Variants in H6PD observed in about 807,000 individuals in gnomAD.
H6PD encodes GDH/6PGL endoplasmic bifunctional protein.
A neutral mutation model predicts 61.2 loss-of-function variants in H6PD; 48 were observed. The observed-to-expected ratio is 0.78, with a 90% CI of 0.62 to 1.00. H6PD has a LOEUF of 1.00. Ranked by LOEUF, H6PD falls within the 50% of genes least tolerant of loss-of-function variation. H6PD has a pLI of 0.00. For missense variants in H6PD, 1,093 were observed against 1,065.0 expected, an observed-to-expected ratio of 1.03 and a Z score of -0.37; for synonymous variants, 480 against 457.9, an observed-to-expected ratio of 1.05 and a Z score of -0.62.
chr1:9,258,811 G>A (rs144508459), intron 3 of H6PD, among the ~76,000 whole-genome samples: 32 of 152,124 alleles, frequency 2.1e-4, no homozygotes, highest in African/African-American at 7.2e-4. Flanking sequence ...TTACATTGCT[G>A]TTGTTACTCT....
intron 4 of H6PD, among the ~76,000 whole-genome samples, chr1:9,263,308 T>C (rs957085424): frequency 2.0e-5 from 3 of 152,054 alleles, no homozygotes; most frequent in Non-Finnish European, 1.5e-5. Flanking sequence ...GCCATAGAGA[T>C]AGCCCCAGAG....
At chr1:9,244,032 T>C (rs1287219351) in intron 1 of H6PD, among the ~76,000 whole-genome samples, 2 of 152,134 alleles carry the variant, frequency 1.3e-5, no homozygotes, top group African/African-American at 2.4e-5. Flanking sequence ...GAGCCTCAGC[T>C]TTTCCATTTG....
chr1:9,253,520 G>T (rs753196071), intron 3 of H6PD, among the ~76,000 whole-genome samples: 5 of 152,184 alleles, frequency 3.3e-5, no homozygotes, highest in Non-Finnish European at 7.3e-5. Context: ...CGTCTCTGAA[G>T]TTGGGTTTAT....
intron 3 of H6PD, among the ~76,000 whole-genome samples, chr1:9,255,708 A>G (rs1216820020): frequency 6.6e-6 from 1 of 151,886 alleles, no homozygotes; most frequent in Non-Finnish European, 1.5e-5. Context: ...CTGGGCCCAC[A>G]CTCCTGTGAG....
In H6PD at chr1:9,261,757, T is replaced by A. The variant is rs911251471; in HGVS notation, c.746-302T>A. 9.8e-5 allele frequency among the ~76,000 whole-genome samples: 15 copies of A among 152,348 alleles called. No individual in the cohort carries two copies. In the East Asian group the frequency reaches 1.2e-3, roughly 12 times the overall value. ...GGGCGGGGCGAGGGGCTGGCCAGTA[T>A]CTACAGAGGCAATCTGGCCTTTGCT... On this transcript the variant is annotated intron_variant, in intron 3 of 4. Transcript: ENST00000377403.
chr1:9,258,894 G>A (rs143218353), intron 3 of H6PD, among the ~76,000 whole-genome samples: 2 of 152,252 alleles, frequency 1.3e-5, no homozygotes, highest in Non-Finnish European at 2.9e-5. Flanking sequence ...GTGTTGTTAT[G>A]TTGCTGTTGT....
rs145419146 is a variant in H6PD, at chr1:9,246,942, C to T, written c.628-24C>T. 1.5e-3 allele frequency: 2,247 copies of T among 1,511,768 alleles called. 24 individuals carry two copies. In the African/African-American group the frequency reaches 0.026, roughly 17 times the overall value. The allele number at this position is 1,511,768 out of a possible 1,614,324, so 93.6% of individuals were successfully genotyped here. A position where few individuals can be genotyped will look rare whatever the true frequency, so the allele number is the denominator to read the frequency against. ...TTCATCGTGAGAGTATCCTGCAGCA[C>T]GCCCAGTCTTCCCCCCCCGACAGGC... On this transcript the variant is annotated intron_variant, in intron 2 of 4. Transcript: ENST00000377403.
At chr1:9,260,957 A>G (rs1329820277) in intron 3 of H6PD, among the ~76,000 whole-genome samples, 1 of 151,918 alleles carries the variant, frequency 6.6e-6, no homozygotes, top group African/African-American at 2.4e-5. Context: ...TCCAGGGCTC[A>G]TGTTGGGGGC....
intron 1 of H6PD, among the ~76,000 whole-genome samples, chr1:9,237,379 C>T (rs1640882612): frequency 6.6e-6 from 1 of 151,380 alleles, no homozygotes. Context: ...ATTACAGGCA[C>T]CTGCCACCAC....
chr1:9,242,972 G>A lies in H6PD; in HGVS notation c.-10-1953G>A, dbSNP rs539768798. On this transcript the variant is annotated intron_variant, in intron 1 of 4. Coordinates refer to ENST00000377403, the MANE Select transcript of H6PD (RefSeq NM_004285.4). ...AAAAAGCAGAATGGTCCTGTGGTCC[G>A]TGTGTGTATTTAGGGGTGAGGGCAG... The A allele has an allele frequency of 1.7e-4, 168 of 985,332 alleles. No homozygotes were observed. In the African/African-American group the frequency reaches 2.1e-3, roughly 12 times the overall value. The allele number at this position is 985,332 out of a possible 1,614,324, so 61.0% of individuals were successfully genotyped here. A position where few individuals can be genotyped will look rare whatever the true frequency, so the allele number is the denominator to read the frequency against.
intron 3 of H6PD, among the ~76,000 whole-genome samples, chr1:9,248,091 G>A (rs573758586): frequency 3.9e-5 from 6 of 152,302 alleles, no homozygotes; most frequent in East Asian, 3.9e-4. Flanking sequence ...TGGCGCCGCT[G>A]CGCTGTGCTG....
At chr1:9,253,769 C>T (rs758138060) in intron 3 of H6PD, among the ~76,000 whole-genome samples, 2 of 152,224 alleles carry the variant, frequency 1.3e-5, no homozygotes, top group Non-Finnish European at 2.9e-5. Flanking sequence ...CTGCATTTTT[C>T]TCATGAAATA....
At chr1:9,251,490 A>G (rs1161759547) in intron 3 of H6PD, among the ~76,000 whole-genome samples, 2 of 151,412 alleles carry the variant, frequency 1.3e-5, no homozygotes, top group Non-Finnish European at 2.9e-5. Context: ...AAGGAGGGAG[A>G]CTTCCTGAGG....
intron 1 of H6PD, among the ~76,000 whole-genome samples, chr1:9,242,162 G>C (rs1403942996): frequency 6.6e-6 from 1 of 152,160 alleles, no homozygotes; most frequent in Non-Finnish European, 1.5e-5. Flanking sequence ...CCTTTGATGA[G>C]AACTGCTGCT....
At chr1:9,242,149 C>T (rs1392421992) in intron 1 of H6PD, among the ~76,000 whole-genome samples, 1 of 152,080 alleles carries the variant, frequency 6.6e-6, no homozygotes, top group Non-Finnish European at 1.5e-5. Context: ...GTTCTGATGC[C>T]CTCCTTTGAT....
At position 9,264,314 on chromosome 1, in the gene H6PD, T is replaced by C. The variant is rs1388625659; in HGVS notation, c.1821T>C (p.Tyr607=). ...ALFQQLATAH[Y]GFPWAHTHLW... ...TCCAGCAGCTGGCCACGGCGCACTA[T>C]GGCTTCCCCTGGGCCCACACGCACC... The change falls in exon 5 of 5, where the codon TAT becomes TAC. Residue 607 remains tyrosine, a synonymous_variant. Coordinates refer to ENST00000377403, the MANE Select transcript of H6PD (RefSeq NM_004285.4). The C allele has an allele frequency of 9.3e-6, 15 of 1,611,684 alleles. No homozygotes were observed. Among genetic ancestry groups the C allele is most frequent in the Non-Finnish European group, 1.3e-5 (15 of 1,179,754 alleles).
chr1:9,249,394 G>A (rs969329732), intron 3 of H6PD, among the ~76,000 whole-genome samples: 6 of 152,224 alleles, frequency 3.9e-5, no homozygotes, highest in Admixed American at 3.9e-4. Context: ...GGGCAGGTCT[G>A]TTTGCCGGGA....
intron 3 of H6PD, among the ~76,000 whole-genome samples, chr1:9,249,032 G>T (rs1291687890): frequency 6.6e-6 from 1 of 152,212 alleles, no homozygotes; most frequent in East Asian, 1.9e-4. Context: ...AGGGGGTCCT[G>T]CCCCTGCTGA....
At chr1:9,237,098 ATGT>A (rs1246296699) in intron 1 of H6PD, among the ~76,000 whole-genome samples, 2 of 152,170 alleles carry the variant, frequency 1.3e-5, no homozygotes, top group African/African-American at 4.8e-5. Flanking sequence ...TACAGTGTAA[ATGT>A]AATACAGTGT....
Sources: allele counts gnomAD v4.1 joint callset (sites outside exome capture counted in the v4.1 genomes callset), GRCh38; gene constraint gnomAD v4.1.1; transcripts MANE v1.5; gene names NCBI Gene and HGNC (gene_info 2026-07-23, HGNC 2026-07-21).